TREM1: variants seen among roughly 807,000 people sequenced by gnomAD.
The protein encoded by TREM1 is triggering receptor expressed on myeloid cells 1, also known as triggering receptor expressed on monocytes 1.
A neutral mutation model predicts 22.4 loss-of-function variants in TREM1; 16 were observed. The observed-to-expected ratio is 0.71, with a 90% CI of 0.48 to 1.08. The LOEUF (loss-of-function observed/expected upper bound fraction) is 1.08. TREM1 is among the 50% of genes least tolerant of loss of function. The pLI is 0.00. For synonymous variants in TREM1, 110 were observed against 111.6 expected (o/e 0.99, Z 0.09); for missense variants, 283 against 282.9 (o/e 1.00, Z 0.00).
At chr6:41,278,454 G>A (rs1767758879) in intron 3 of TREM1, among the ~76,000 whole-genome samples, 1 of 151,828 alleles carries the variant, frequency 6.6e-6, no homozygotes, top group South Asian at 2.1e-4. Flanking sequence ...AGGATCACTT[G>A]ATCCCAAGAA....
intron 1 of TREM1, among the ~76,000 whole-genome samples, chr6:41,285,980 C>G (rs781162598): frequency 8.5e-5 from 13 of 152,198 alleles, no homozygotes; most frequent in Non-Finnish European, 7.3e-5. Context: ...ATAAAGCCCG[C>G]ATGCTTCTGG....
In TREM1 at chr6:41,276,060, C is replaced by T. The variant is rs368856486; in HGVS notation, c.*65G>A. 4.0e-6 allele frequency: 5 copies of T among 1,253,448 alleles called. No individual in the cohort carries two copies. The highest frequency in any genetic ancestry group is 5.9e-6 in the Non-Finnish European group (5 of 851,606). The allele number at this position is 1,253,448 out of a possible 1,614,324, so 77.6% of individuals were successfully genotyped here. ...CCCTGCCTTTTACCTCCTCCCTCCT[C>T]CCTTGGCACAACTGCCAGATGGATG... On this transcript the variant is annotated 3_prime_UTR_variant, in exon 4 of 4. Coordinates refer to ENST00000244709, the MANE Select transcript of TREM1 (RefSeq NM_018643.5).
intron 3 of TREM1, chr6:41,280,610 C>A: frequency 7.7e-7 from 1 of 1,302,668 alleles, no homozygotes; most frequent in Non-Finnish European, 9.8e-7. Context: ...CAGGCCAACA[C>A]TAGATCCAGG....
chr6:41,278,872 C>G (rs1381769391), intron 3 of TREM1, among the ~76,000 whole-genome samples: 1 of 151,942 alleles, frequency 6.6e-6, no homozygotes, highest in African/African-American at 2.4e-5. Context: ...AATCATGGAG[C>G]AACACCAAGG....
rs1184570097 is a variant in TREM1 at position 41,281,114 on chromosome 6, T to C, written c.446A>G (p.Gln149Arg). The part of the protein sequence containing the change: ...GTPGSNENST[Q>R]NVYKIPPTTT... ...GGTAGGAGGAATCTTATACACATTC[T>C]GGGTAGAATTCTCATTGGAGCCAGG... is the stretch of plus-strand genomic sequence containing the variant. The change falls in exon 3 of 4, where the codon CAG becomes CGG. Residue 149 changes from glutamine (Q) to arginine (R), a missense_variant. Gln to Arg is a conservative substitution (Grantham distance 43, BLOSUM62 1). Coordinates refer to ENST00000244709, the MANE Select transcript of TREM1 (RefSeq NM_018643.5). 6.2e-7 allele frequency: 1 copy of C among 1,614,044 alleles called. No homozygotes were observed. Among genetic ancestry groups the C allele is most frequent in the Admixed American group, 1.7e-5 (1 of 60,012 alleles).
At chr6:41,271,299 C>T (rs1418499183), downstream of TREM1, among the ~76,000 whole-genome samples, 1 of 152,170 alleles carries the variant, frequency 6.6e-6, no homozygotes, top group Non-Finnish European at 1.5e-5. Flanking sequence ...CTTAAGACAA[C>T]CCTCTGATAC....
chr6:41,272,840 C>T (rs1214975830), downstream of TREM1, among the ~76,000 whole-genome samples: 1 of 152,088 alleles, frequency 6.6e-6, no homozygotes, highest in Non-Finnish European at 1.5e-5. Context: ...TTTACTCAGG[C>T]GTCTCCTTGG....
At chr6:41,270,922 T>C (rs1249251285), downstream of TREM1, among the ~76,000 whole-genome samples, 1 of 152,152 alleles carries the variant, frequency 6.6e-6, no homozygotes, top group Non-Finnish European at 1.5e-5. Flanking sequence ...CCCAGACTGG[T>C]CTCGAACTCC....
At chr6:41,284,335 C>G (rs947175041) in intron 1 of TREM1, among the ~76,000 whole-genome samples, 1 of 152,178 alleles carries the variant, frequency 6.6e-6, no homozygotes, top group African/African-American at 2.4e-5. Context: ...TCAATAGTGC[C>G]ATGTTTGAGA....
chr6:41,282,797 T>C, intron 1 of TREM1, 46 bp from the exon 2 acceptor site: 3 of 1,506,228 alleles, frequency 2.0e-6, no homozygotes, highest in Non-Finnish European at 1.8e-6. Context: ...ATTATTTTTC[T>C]CTCTCTGAGT....
chr6:41,285,339 CTTAT>C (rs1768119541), intron 1 of TREM1, among the ~76,000 whole-genome samples: 1 of 152,298 alleles, frequency 6.6e-6, no homozygotes, highest in South Asian at 2.1e-4. Flanking sequence ...TAAAGACTAT[CTTAT>C]TTAATCTTTA....
chr6:41,278,823 T>C (rs913022743), intron 3 of TREM1, among the ~76,000 whole-genome samples: 2 of 151,900 alleles, frequency 1.3e-5, no homozygotes, highest in African/African-American at 4.8e-5. Context: ...GGCAGGAGAA[T>C]AGGGTCTGGA....
chr6:41,283,315 C>G (rs1479489554), intron 1 of TREM1, among the ~76,000 whole-genome samples: 1 of 152,156 alleles, frequency 6.6e-6, no homozygotes, highest in African/African-American at 2.4e-5. Context: ...CCTTGGGTAG[C>G]AGAGCACCCC....
chr6:41,277,928 T>TA (rs1767736122), intron 3 of TREM1, among the ~76,000 whole-genome samples: 1 of 135,202 alleles, frequency 7.4e-6, no homozygotes, highest in African/African-American at 2.6e-5. Flanking sequence ...TTTTTTTTTT[T>TA]TAGAGAGAAA....
intron 3 of TREM1, chr6:41,280,339 A>G (rs1251578427): frequency 2.0e-6 from 2 of 985,958 alleles, no homozygotes; most frequent in Non-Finnish European, 2.4e-6. Context: ...TCTCCTAAAC[A>G]TCTTATTAAA....
chr6:41,278,264 G>A (rs942889541), intron 3 of TREM1, among the ~76,000 whole-genome samples: 2 of 151,916 alleles, frequency 1.3e-5, no homozygotes, highest in Non-Finnish European at 2.9e-5. Flanking sequence ...TTGCTTCTGG[G>A]GAAACTACCT....
Position 41,282,692 on chromosome 6 carries a change from G to C in TREM1, c.109C>G (p.Leu37Val), listed in dbSNP as rs551651794. The C allele has an allele frequency of 1.2e-6, 2 of 1,614,114 alleles. No homozygotes were observed. Among genetic ancestry groups the C allele is most frequent in the South Asian group, 2.2e-5 (2 of 91,082 alleles). The change falls in exon 2 of 4, where the codon CTG becomes GTG. Residue 37 changes from leucine (L) to valine (V), a missense_variant. By Grantham distance (32) the Leu-to-Val change is conservative (BLOSUM62 1). Transcript: ENST00000244709. ...EKYELKEGQT[L>V]DVKCDYTLEK... ...AGCGTGTAGTCACATTTCACATCCA[G>C]GGTCTGCCCCTCTTTCAGTTCATAC...
chr6:41,272,705 C>T (rs866395984), downstream of TREM1, among the ~76,000 whole-genome samples: 6 of 152,124 alleles, frequency 3.9e-5, no homozygotes, highest in African/African-American at 1.4e-4. Context: ...GACTCAGGGG[C>T]TTTGCCTGAG....
intron 1 of TREM1, among the ~76,000 whole-genome samples, chr6:41,285,153 G>T (rs1308870322): frequency 6.6e-6 from 1 of 152,148 alleles, no homozygotes; most frequent in Non-Finnish European, 1.5e-5. Flanking sequence ...AGGGAAGGTG[G>T]GAGTTACAGG....
Sources: allele counts gnomAD v4.1 joint callset (sites outside exome capture counted in the v4.1 genomes callset), GRCh38; gene constraint gnomAD v4.1.1; transcripts MANE v1.5; gene names NCBI Gene and HGNC (gene_info 2026-07-23, HGNC 2026-07-21).